Variants in GAR1 observed in about 807,000 individuals in gnomAD.
GAR1 encodes GAR1 ribonucleoprotein, also known as H/ACA ribonucleoprotein complex subunit 1.
Under a neutral mutation model 29.3 loss-of-function variants are expected in GAR1, and 11 were observed. The observed-to-expected ratio is 0.38, with a 90% CI of 0.24 to 0.62. The LOEUF is 0.62. GAR1 is among the 20% of genes least tolerant of loss of function. The pLI, the probability that GAR1 is intolerant of heterozygous loss-of-function variation, is 0.62. For missense variants in GAR1, 237 were observed against 268.4 expected (o/e 0.88, Z 0.82); for synonymous variants, 87 against 93.3 (o/e 0.93, Z 0.39).
intron 4 of GAR1, among the ~76,000 whole-genome samples, chr4:109,821,479 T>C (rs2125889763): frequency 6.6e-6 from 1 of 152,352 alleles, no homozygotes; most frequent in African/African-American, 2.4e-5. Context: ...TACAATATGC[T>C]CTTTACATCT....
rs1360356474 is a variant in GAR1 at position 109,816,251 on chromosome 4, C to G, written c.87C>G (p.Phe29Leu). The change falls in exon 2 of 7, where the codon TTC (phenylalanine) becomes TTG (leucine). Residue 29 changes from phenylalanine to leucine, a missense_variant. Phe to Leu is a conservative substitution (Grantham distance 22). Coordinates refer to ENST00000226796, the MANE Select transcript of GAR1 (RefSeq NM_018983.4). ...ACCGAGGTGGCAGCAGCAACCACTT[C>G]CGAGGTGGAGGCGGCGGTGGAGGCG... Reference protein sequence around the residue: ...GFNRGGSSNHFRGGGGGGGGG... With the variant: ...GFNRGGSSNHLRGGGGGGGGG... The G allele has an allele frequency of 1.4e-5, 22 of 1,609,428 alleles. No individual in the cohort carries two copies. The highest frequency in any genetic ancestry group is 1.9e-5 in the Non-Finnish European group (22 of 1,177,608).
In GAR1 at chr4:109,824,510, G is replaced by A. The variant is rs1279470615; in HGVS notation, c.*79G>A. On this transcript the variant is annotated 3_prime_UTR_variant, in exon 7 of 7. Coordinates refer to ENST00000226796, the MANE Select transcript of GAR1 (RefSeq NM_018983.4). Reference sequence around the variant, plus strand: ...TGTTTCTACTATGGATTGGAAACTTGTTTCTTGAACAAGTCTTGAAGATCT... The same window carrying A: ...TGTTTCTACTATGGATTGGAAACTTATTTCTTGAACAAGTCTTGAAGATCT... 2 of 1,058,340 alleles carry A rather than the reference G, an allele frequency of 1.9e-6. No individual in the cohort carries two copies. The highest frequency in any genetic ancestry group is 2.4e-5 in the East Asian group (1 of 41,970). 65.6% of individuals were successfully genotyped at this position (1,058,340 alleles called of 1,614,324 possible). A position where few individuals can be genotyped will look rare whatever the true frequency, so the allele number is the denominator to read the frequency against.
In GAR1 at chr4:109,816,194, C is replaced by T; in HGVS notation, c.30C>T (p.Gly10=). 1 of 1,609,652 alleles carries T rather than the reference C, an allele frequency of 6.2e-7. No homozygotes were observed. The highest frequency in any genetic ancestry group is 8.5e-7 in the Non-Finnish European group (1 of 1,178,554). Residue 10 remains glycine, a synonymous_variant, in exon 2 of 7, where the codon GGC becomes GGT. Transcript: ENST00000226796. MSFRGGGRG[G]FNRGGGGGGF... ...CTTTTCGAGGCGGAGGTCGTGGAGG[C>T]TTTAATCGAGGTGGTGGAGGTGGCG...
At chr4:109,820,648 C>T (rs1733488525) in intron 4 of GAR1, among the ~76,000 whole-genome samples, 1 of 151,778 alleles carries the variant, frequency 6.6e-6, no homozygotes, top group African/African-American at 2.4e-5. Flanking sequence ...CCAGGAGGGA[C>T]TGCTCAGCTA....
chr4:109,815,917 G>A (rs1245173876), intron 1 of GAR1, 113 bp downstream of exon 1: 2 of 569,348 alleles, frequency 3.5e-6, no homozygotes, highest in Non-Finnish European at 6.2e-6. Flanking sequence ...TCTGTAGGGG[G>A]AGGAGATACT....
chr4:109,822,608 C>T (rs962156423), intron 5 of GAR1, 120 bp downstream of exon 5: 6 of 1,015,064 alleles, frequency 5.9e-6, no homozygotes, highest in African/African-American at 1.7e-5. Context: ...ATTAAAGCTG[C>T]TTTCCAATAT....
intron 1 of GAR1, 22 bp downstream of exon 1, chr4:109,815,826 A>C (rs1050146616): frequency 3.2e-6 from 1 of 315,434 alleles, no homozygotes; most frequent in Non-Finnish European, 5.9e-6. Context: ...TAGAAGCCGG[A>C]GGATTTGAAA....
intron 2 of GAR1, 79 bp downstream of exon 2, chr4:109,816,457 G>T (rs1733355994): frequency 3.8e-6 from 5 of 1,315,790 alleles, no homozygotes; most frequent in Non-Finnish European, 4.4e-6. Flanking sequence ...AGCAAGTTTG[G>T]GATACACAAG....
At chr4:109,822,257 A>G (rs1733535494) in intron 4 of GAR1, 90 bp from the exon 5 acceptor site, 1 of 718,340 alleles carries the variant, frequency 1.4e-6, no homozygotes, top group African/African-American at 1.9e-5. Context: ...GTTTGAACCC[A>G]GGCAGTTTTG....
rs762744711 is a variant in GAR1, at chr4:109,824,020, TG to T, written c.629del (p.Gly210ValfsTer10). 17 of 1,604,090 alleles carry T rather than the reference TG, an allele frequency of 1.1e-5. No homozygotes were observed. The highest frequency in any genetic ancestry group is 1.5e-5 in the Non-Finnish European group (17 of 1,172,252). ...GGGGFRGGRGGGFRGRGH is the reference protein window; with the variant it reads ...GGGGFRGGRGXGFRGRGH ...GTGGGGGCTTCAGAGGAGGAAGAGG[TG>T]GTGGTTTCAGAGGTGAGTATTTTAA... On this transcript the variant is annotated frameshift_variant, in exon 6 of 7. Transcript: ENST00000226796. LOFTEE classifies it high-confidence loss of function.
intron 3 of GAR1, among the ~76,000 whole-genome samples, chr4:109,818,435 TTCTCTC>T (rs998151805): frequency 6.6e-6 from 1 of 151,766 alleles, no homozygotes; most frequent in Non-Finnish European, 1.5e-5. Context: ...CTTCCTTCCT[TTCTCTC>T]TCTCTCTTTT....
In GAR1 at chr4:109,822,354, T is replaced by C; in HGVS notation, c.437T>C (p.Ile146Thr). ...SSFKKLQKFY[I>T]DPYKLLPLQR... ...CTTCTATTATGTTTCCAGTTTTATA[T>C]AGACCCATATAAGCTGCTGCCACTG... The change falls in exon 5 of 7, where the codon ATA becomes ACA. Residue 146 changes from isoleucine (I) to threonine (T), a missense_variant. Ile to Thr is a moderately conservative substitution (Grantham distance 89, BLOSUM62 -1). Transcript: ENST00000226796. 6.4e-7 allele frequency: 1 copy of C among 1,564,310 alleles called. No homozygotes were observed.
chr4:109,817,159 C>T (rs1733377125), intron 2 of GAR1, among the ~76,000 whole-genome samples: 1 of 152,050 alleles, frequency 6.6e-6, no homozygotes. Context: ...TGTACCAGTC[C>T]ATACATGAGA....
chr4:109,824,269 G>A (rs3188897), intron 6 of GAR1, 149 bp from the exon 7 acceptor site: 342,926 of 618,582 alleles, frequency 0.55, 101,630 homozygotes, highest in Non-Finnish European at 0.64. Flanking sequence ...GAAAAATAAA[G>A]GTGTAATATG....
chr4:109,816,847 T>C (rs1468085404), intron 2 of GAR1, among the ~76,000 whole-genome samples: 1 of 152,072 alleles, frequency 6.6e-6, no homozygotes, highest in Non-Finnish European at 1.5e-5. Flanking sequence ...AAGAAAGAAA[T>C]ACAAAGCCAA....
intron 5 of GAR1, 134 bp downstream of exon 5, chr4:109,822,622 C>A: frequency 2.4e-6 from 2 of 823,614 alleles, no homozygotes; most frequent in African/African-American, 1.8e-5. Flanking sequence ...CCAATATTGG[C>A]AGATTGTCCA....
At chr4:109,824,303 T>C (rs1560581455) in intron 6 of GAR1, 115 bp from the exon 7 acceptor site, 1 of 723,324 alleles carries the variant, frequency 1.4e-6, no homozygotes, top group East Asian at 2.6e-5. Flanking sequence ...TTTGGTAAAG[T>C]ATGTTTGCTA....
At chr4:109,821,552 T>C (rs1221751895) in intron 4 of GAR1, among the ~76,000 whole-genome samples, 1 of 152,226 alleles carries the variant, frequency 6.6e-6, no homozygotes, top group African/African-American at 2.4e-5. Context: ...CTGTATATCC[T>C]TCATTACTTT....
intron 1 of GAR1, 109 bp from the exon 2 acceptor site, chr4:109,816,044 C>G: frequency 9.6e-7 from 1 of 1,043,298 alleles, no homozygotes; most frequent in Non-Finnish European, 1.5e-6. Flanking sequence ...GGTGAGGTGA[C>G]AGGGCTGCTT....
Sources: allele counts gnomAD v4.1 joint callset (sites outside exome capture counted in the v4.1 genomes callset), GRCh38; gene constraint gnomAD v4.1.1; transcripts MANE v1.5; gene names NCBI Gene and HGNC (gene_info 2026-07-23, HGNC 2026-07-21).